GFI1: variants seen among roughly 807,000 people sequenced by gnomAD.
GFI1 encodes the protein zinc finger protein Gfi-1.
Under a neutral mutation model 39.2 loss-of-function variants are expected in GFI1, and 15 were observed. The observed-to-expected ratio is 0.38, with a 90% CI of 0.26 to 0.59. The LOEUF is 0.59. GFI1 is among the 20% of genes least tolerant of loss of function. The pLI, the probability that GFI1 is intolerant of heterozygous loss-of-function variation, is 0.62. For missense variants in GFI1, 475 were observed against 574.0 expected (o/e 0.83, Z 1.76); for synonymous variants, 239 against 254.3 (o/e 0.94, Z 0.57).
In GFI1 at chr1:92,480,542, A is replaced by G; in HGVS notation, c.787-57T>C. The G allele has an allele frequency of 1.3e-6, 2 of 1,544,758 alleles. No homozygotes were observed. The highest frequency in any genetic ancestry group is 3.9e-5 in the Admixed American group (2 of 50,920). ...TGAGAGGGGCCGCGGGGCGCAGGCG[A>G]GGCGCGGGTAGGGGAAGCGGGCGCA... On this transcript the variant is annotated intron_variant, in intron 4 of 6. Transcript: ENST00000294702. This position sits in a 1 kb window ranked among gnomAD's most constrained non-coding sequence, Gnocchi z 5.6.
chr1:92,478,590 G>A lies in GFI1; in HGVS notation c.1088C>T (p.Thr363Ile). The A allele has an allele frequency of 6.2e-7, 1 of 1,613,856 alleles. No individual in the cohort carries two copies. The highest frequency in any genetic ancestry group is 8.5e-7 in the Non-Finnish European group (1 of 1,179,760). ...SDMKKHTFIH[T>I]GEKPHKCQVC... ...AGCCAAGGGCCTTTTTAGCTCACCA[G>A]TGTGGATGAAAGTGTGTTTCTTCAT... The change falls in exon 6 of 7, where the codon ACT becomes ATT. Residue 363 changes from threonine (T) to isoleucine (I), a missense_variant and splice_region_variant. Physicochemically the swap from Thr to Ile is moderately conservative, Grantham distance 89 (BLOSUM62 -1). Coordinates refer to ENST00000294702, the MANE Select transcript of GFI1 (RefSeq NM_005263.5).
intron 2 of GFI1, among the ~76,000 whole-genome samples, 155 bp from the exon 3 acceptor site, chr1:92,483,201 A>T (rs146766851): frequency 0.021 from 3,251 of 152,314 alleles, 129 homozygotes; most frequent in African/African-American, 0.073. Flanking sequence ...GGGCAGGCGC[A>T]GAGAGGCCAT....
intron 1 of GFI1, among the ~76,000 whole-genome samples, chr1:92,485,559 T>C (rs992459324): frequency 1.6e-4 from 24 of 152,022 alleles, no homozygotes; most frequent in Non-Finnish European, 1.8e-4. Context: ...CGACAGAGTT[T>C]GGAGGAGATA....
rs1471781959 is a variant in GFI1 at position 92,480,568 on chromosome 1, C to G, written c.786+33G>C. The G allele has an allele frequency of 1.9e-6, 3 of 1,540,882 alleles. No individual in the cohort carries two copies. Among genetic ancestry groups the G allele is most frequent in the South Asian group, 2.4e-5 (2 of 84,006 alleles). On this transcript the variant is annotated intron_variant, in intron 4 of 6. Transcript: ENST00000294702. The surrounding 1 kb of genome is among the most constrained non-coding windows in gnomAD (Gnocchi z 5.6). ...GGCGCGGGTAGGGGAAGCGGGCGCACGGCAGGCGAGGTGGTGAGCTCGGGA... is the reference window on the plus strand; with the variant it reads ...GGCGCGGGTAGGGGAAGCGGGCGCAGGGCAGGCGAGGTGGTGAGCTCGGGA...
chr1:92,478,525 A>C (rs1344126626), intron 6 of GFI1, 63 bp downstream of exon 6: 3 of 1,401,658 alleles, frequency 2.1e-6, no homozygotes, highest in African/African-American at 2.8e-5. Context: ...GCCAGAAATC[A>C]GAGAAGATGA....
intron 6 of GFI1, among the ~76,000 whole-genome samples, chr1:92,476,762 T>TTCTCTC (rs141823158): frequency 6.6e-6 from 1 of 151,262 alleles, no homozygotes; most frequent in Admixed American, 6.6e-5. Context: ...CTTTCTTTAT[T>TTCTCTC]TCTCTCTCTC....
In GFI1 at chr1:92,473,808, T is replaced by TA. The variant is rs1657831196; in HGVS notation, c.*2220dup. Among the ~76,000 whole-genome samples, 1 of 152,238 alleles carries TA rather than the reference T, an allele frequency of 6.6e-6. No homozygotes were observed. Among genetic ancestry groups the TA allele is most frequent in the African/African-American group, 2.4e-5 (1 of 41,462 alleles). On this transcript the variant is annotated 3_prime_UTR_variant, in exon 7 of 7. Coordinates refer to ENST00000294702, the MANE Select transcript of GFI1 (RefSeq NM_005263.5). ...TCTGTTTATTCACTTAACATCTCAG[T>TA]AAATATTTATTAATCTCCTACTGTG...
intron 2 of GFI1, 54 bp downstream of exon 2, chr1:92,483,319 G>C: frequency 1.0e-6 from 1 of 974,212 alleles, no homozygotes; most frequent in Admixed American, 1.8e-5. Context: ...GGTGTGCCGA[G>C]GTGCAGTAGG....
Position 92,482,796 on chromosome 1 carries a change from G to T in GFI1, c.298+68C>A, listed in dbSNP as rs1658324395. On this transcript the variant is annotated intron_variant, in intron 3 of 6. Coordinates refer to ENST00000294702, the MANE Select transcript of GFI1 (RefSeq NM_005263.5). The surrounding 1 kb of genome is among the most constrained non-coding windows in gnomAD (Gnocchi z 4.4). Reference sequence around the variant, plus strand: ...TTAGCATTTCTACGCCCAAGGTCGCGCCAATTCCCCCCCAGCACTGCCGGG... The same window carrying T: ...TTAGCATTTCTACGCCCAAGGTCGCTCCAATTCCCCCCCAGCACTGCCGGG... The T allele has an allele frequency of 7.8e-7, 1 of 1,275,612 alleles. No homozygotes were observed. Among genetic ancestry groups the T allele is most frequent in the Non-Finnish European group, 1.1e-6 (1 of 874,764 alleles). 79.0% of individuals were successfully genotyped at this position (1,275,612 alleles called of 1,614,324 possible).
intron 1 of GFI1, 42 bp downstream of exon 1, chr1:92,486,684 G>C (rs1658542697): frequency 6.6e-6 from 1 of 152,160 alleles, no homozygotes; most frequent in Non-Finnish European, 1.5e-5. Context: ...GCTTGTTGTG[G>C]AAACACTTGG....
intron 6 of GFI1, 106 bp from the exon 7 acceptor site, chr1:92,476,313 C>T (rs1433534898): frequency 4.7e-6 from 5 of 1,059,120 alleles, no homozygotes; most frequent in Non-Finnish European, 7.1e-6. Flanking sequence ...GCACCACAGT[C>T]TAAGGCCTTC....
rs571588366 is a variant in GFI1 at position 92,483,137 on chromosome 1, C to T, written c.116-91G>A. ...CCCCCAATCCCCCGACCAGGGCAGCCGAGCGTCTTCCCCTCTCCACCCAGA... is the reference window on the plus strand; with the variant it reads ...CCCCCAATCCCCCGACCAGGGCAGCTGAGCGTCTTCCCCTCTCCACCCAGA... On this transcript the variant is annotated intron_variant, in intron 2 of 6. Coordinates refer to ENST00000294702, the MANE Select transcript of GFI1 (RefSeq NM_005263.5). 32 of 1,223,424 alleles carry T rather than the reference C, an allele frequency of 2.6e-5. No individual in the cohort carries two copies. The African/African-American group carries it at 4.8e-4, about 18-fold the overall frequency. The allele number at this position is 1,223,424 out of a possible 1,614,324, so 75.8% of individuals were successfully genotyped here. A position where few individuals can be genotyped will look rare whatever the true frequency, so the allele number is the denominator to read the frequency against.
chr1:92,473,938 C>T lies in GFI1; in HGVS notation c.*2091G>A, dbSNP rs1463850926. On this transcript the variant is annotated 3_prime_UTR_variant, in exon 7 of 7. Transcript: ENST00000294702. Reference sequence around the variant, plus strand: ...CTCCACCCCCTAGAAGAATGCCCAGCACATACTGGGTGCTCAATTATATGT... The same window carrying T: ...CTCCACCCCCTAGAAGAATGCCCAGTACATACTGGGTGCTCAATTATATGT... Among the ~76,000 whole-genome samples, 3 of 152,250 alleles carry T rather than the reference C, an allele frequency of 2.0e-5. No individual in the cohort carries two copies. The highest frequency in any genetic ancestry group is 7.2e-5 in the African/African-American group (3 of 41,464).
chr1:92,483,859 C>T (rs1212329125), intron 1 of GFI1: 2 of 354,936 alleles, frequency 5.6e-6, no homozygotes, highest in Admixed American at 3.8e-5. Flanking sequence ...CTGCCCACGC[C>T]CCCCAGCTCC....
Position 92,482,539 on chromosome 1 carries a change from G to A in GFI1, c.298+325C>T, listed in dbSNP as rs973291039. On this transcript the variant is annotated intron_variant, in intron 3 of 6. Transcript: ENST00000294702. This position sits in a 1 kb window ranked among gnomAD's most constrained non-coding sequence, Gnocchi z 4.4. The stretch of plus-strand genomic sequence containing the variant: ...TCCTAGCACTTTATAAAACAGTCAG[G>A]TCTGGTCAGAAAATGAAAGGTCAGC... 7.2e-5 allele frequency among the ~76,000 whole-genome samples: 11 copies of A among 152,182 alleles called. No individual in the cohort carries two copies. Among genetic ancestry groups the A allele is most frequent in the African/African-American group, 2.4e-5 (1 of 41,440 alleles).
intron 1 of GFI1, 56 bp from the exon 2 acceptor site, chr1:92,483,642 G>C: frequency 1.5e-6 from 1 of 683,748 alleles, no homozygotes; most frequent in Non-Finnish European, 2.7e-6. Context: ...CGGTGCGGCG[G>C]ACTGGGCACC....
rs1030643965 is a variant in GFI1, at chr1:92,482,221, T to G, written c.298+643A>C. 1.3e-5 allele frequency among the ~76,000 whole-genome samples: 2 copies of G among 151,760 alleles called. No individual in the cohort carries two copies. The highest frequency in any genetic ancestry group is 2.9e-5 in the Non-Finnish European group (2 of 67,884). On this transcript the variant is annotated intron_variant, in intron 3 of 6. Transcript: ENST00000294702. This position sits in a 1 kb window ranked among gnomAD's most constrained non-coding sequence, Gnocchi z 4.4. ...GGCCCTTGACAGAATCCGGCTGGTCTGCTCATTCCTTCCCCCGGCCGGGAC... is the reference window on the plus strand; with the variant it reads ...GGCCCTTGACAGAATCCGGCTGGTCGGCTCATTCCTTCCCCCGGCCGGGAC...
rs1658069408 is a variant in GFI1, at chr1:92,478,580, T to A, written c.1090+8A>T. 6.2e-7 allele frequency: 1 copy of A among 1,613,556 alleles called. No homozygotes were observed. Among genetic ancestry groups the A allele is most frequent in the Non-Finnish European group, 8.5e-7 (1 of 1,179,572 alleles). On this transcript the variant is annotated splice_region_variant and intron_variant, in intron 6 of 6. Transcript: ENST00000294702. Reference sequence around the variant, plus strand: ...GTTTCCTACAAGCCAAGGGCCTTTTTAGCTCACCAGTGTGGATGAAAGTGT... The same window carrying A: ...GTTTCCTACAAGCCAAGGGCCTTTTAAGCTCACCAGTGTGGATGAAAGTGT...
Position 92,486,469 on chromosome 1 carries a change from G to A in GFI1, c.-100+257C>T, listed in dbSNP as rs188741204. Among the ~76,000 whole-genome samples, 5 of 152,240 alleles carry A rather than the reference G, an allele frequency of 3.3e-5. 1 individual carries two copies. In the South Asian group the frequency reaches 1.0e-3, roughly 32 times the overall value. On this transcript the variant is annotated intron_variant, in intron 1 of 6. Coordinates refer to ENST00000294702, the MANE Select transcript of GFI1 (RefSeq NM_005263.5). ...ACACAGATTGACTGGCGAGAGAGGG[G>A]TGGGGGGCGCCCCGCTCCGAGGACC... is the stretch of plus-strand genomic sequence containing the variant.
Sources: allele counts gnomAD v4.1 joint callset (sites outside exome capture counted in the v4.1 genomes callset), GRCh38; gene constraint gnomAD v4.1.1; non-coding constraint Gnocchi (gnomAD v3.1); transcripts MANE v1.5; gene names NCBI Gene and HGNC (gene_info 2026-07-23, HGNC 2026-07-21).